The following MMP28 variants were observed in gnomAD, a reference collection of about 807,000 sequenced individuals.
MMP28 encodes matrix metallopeptidase 28, also known as matrix metalloproteinase-28.
A neutral mutation model predicts 60.5 loss-of-function variants in MMP28; 55 were observed. That is an observed-to-expected ratio of 0.91 (90% confidence interval 0.73 to 1.14). The LOEUF (loss-of-function observed/expected upper bound fraction) is 1.14. Ranked by LOEUF, MMP28 falls within the 50% of genes most tolerant of loss-of-function variation. MMP28 has a pLI of 0.00. For missense variants in MMP28, 686 were observed against 738.3 expected (o/e 0.93, Z 0.82); for synonymous variants, 318 against 312.5 (o/e 1.02, Z -0.18).
rs770768624 is a variant in MMP28 at position 35,779,038 on chromosome 17, C to T, written c.229G>A (p.Val77Met). 25 of 1,613,926 alleles carry T rather than the reference C, an allele frequency of 1.5e-5. No individual in the cohort carries two copies. Among genetic ancestry groups the T allele is most frequent in the South Asian group, 7.7e-5 (7 of 91,088 alleles). ...TGGCGCAGGGTGGCGCGGTCCAACA[C>T]GCCGCTGACAGGTAGCTGGGACACC... ...QWVSQLPVSG[V>M]LDRATLRQMT... The change falls in exon 3 of 8, where the codon GTG becomes ATG. Residue 77 changes from valine to methionine, a missense_variant. Coordinates refer to ENST00000605424, the MANE Select transcript of MMP28 (RefSeq NM_024302.5).
downstream of MMP28, chr17:35,764,599 G>C (rs782765582): frequency 6.3e-7 from 1 of 1,586,676 alleles, no homozygotes; most frequent in East Asian, 2.4e-5. Context: ...GGTAAGGCGG[G>C]GGCCGCTGGG....
intron 1 of MMP28, among the ~76,000 whole-genome samples, chr17:35,780,068 T>A (rs895227601): frequency 2.0e-5 from 3 of 152,102 alleles, no homozygotes; most frequent in African/African-American, 4.8e-5. Flanking sequence ...TATTTATTTA[T>A]TTTATTTATT....
chr17:35,778,282 T>G (rs1555608104), intron 3 of MMP28, among the ~76,000 whole-genome samples: 1 of 152,164 alleles, frequency 6.6e-6, no homozygotes, highest in East Asian at 1.9e-4. Flanking sequence ...GGATTAGCGG[T>G]TGCCAGAGGC....
At chr17:35,778,752 C>G (rs1419722259) in intron 3 of MMP28, 136 bp downstream of exon 3, 1 of 1,541,792 alleles carries the variant, frequency 6.5e-7, no homozygotes, top group African/African-American at 1.4e-5. Context: ...CCAAGAGGTC[C>G]TATTCACCCA....
intron 3 of MMP28, among the ~76,000 whole-genome samples, chr17:35,777,678 T>C (rs1555607955): frequency 6.6e-6 from 1 of 152,226 alleles, no homozygotes; most frequent in East Asian, 1.9e-4. Flanking sequence ...AAAACCCCCA[T>C]CTTGTTAGAA....
At chr17:35,761,837 C>T (rs587646892), downstream of MMP28, among the ~76,000 whole-genome samples, 98 of 152,294 alleles carry the variant, frequency 6.4e-4, no homozygotes, top group African/African-American at 2.2e-3. Flanking sequence ...TTTCCTCCTC[C>T]CCTTCCTCTT....
chr17:35,794,370 C>T (rs966496928), intron 1 of MMP28, among the ~76,000 whole-genome samples: 1 of 151,238 alleles, frequency 6.6e-6, no homozygotes, highest in South Asian at 2.1e-4. Flanking sequence ...CTCAGCCTCC[C>T]GAGTAGCTGG....
chr17:35,766,753 C>T lies in MMP28; in HGVS notation c.1310G>A (p.Arg437His), dbSNP rs774249689. Reference sequence around the variant, plus strand: ...TCCCCCTCGGGCCAGCACGTAGTAGCGGGCACCCTTGAAGAGGATGAGGCG... The same window carrying T: ...TCCCCCTCGGGCCAGCACGTAGTAGTGGGCACCCTTGAAGAGGATGAGGCG... ...LRRLILFKGA[R>H]YYVLARGGLQ... The change falls in exon 8 of 8, where the codon CGC (arginine) becomes CAC (histidine). Residue 437 changes from arginine (R) to histidine (H), a missense_variant. Transcript: ENST00000605424. This position sits in a 1 kb window ranked among gnomAD's most constrained non-coding sequence, Gnocchi z 4.3. 3.8e-6 allele frequency: 6 copies of T among 1,584,558 alleles called. No individual in the cohort carries two copies. The highest frequency in any genetic ancestry group is 3.6e-5 in the Admixed American group (2 of 55,118).
intron 3 of MMP28, 56 bp downstream of exon 3, chr17:35,778,832 C>T: frequency 1.2e-6 from 2 of 1,613,790 alleles, no homozygotes; most frequent in South Asian, 2.2e-5. Context: ...TTTTCCTAGC[C>T]ATTGGCTTCA....
chr17:35,764,344 A>G, downstream of MMP28: 2 of 1,460,164 alleles, frequency 1.4e-6, no homozygotes, highest in Non-Finnish European at 1.8e-6. Context: ...GCGCTCCTCG[A>G]CCGGGGCACG....
Position 35,770,161 on chromosome 17 carries a change from G to C in MMP28, c.756C>G (p.Pro252=), listed in dbSNP as rs1555604949. ...IGHTLGLTHS[P]APRALMAPYY... is the part of the protein sequence containing the mutation. The stretch of plus-strand genomic sequence containing the variant: ...AGGGCGCCATGAGCGCGCGCGGCGC[G>C]GGCGAGTGGGTGAGGCCAAGCGTGT... The change falls in exon 5 of 8, where the codon CCC becomes CCG. Residue 252 remains proline, a synonymous_variant. Coordinates refer to ENST00000605424, the MANE Select transcript of MMP28 (RefSeq NM_024302.5). The C allele has an allele frequency of 8.1e-6, 13 of 1,606,984 alleles. No individual in the cohort carries two copies. Among genetic ancestry groups the C allele is most frequent in the Non-Finnish European group, 1.1e-5 (13 of 1,178,144 alleles).
intron 4 of MMP28, among the ~76,000 whole-genome samples, chr17:35,771,757 A>G (rs867109625): frequency 3.2e-4 from 30 of 94,892 alleles, no homozygotes; most frequent in Middle Eastern, 6.3e-3. Flanking sequence ...ATATATATAA[A>G]ATTGTGTTCT....
intron 5 of MMP28, among the ~76,000 whole-genome samples, chr17:35,769,856 G>T (rs1353130413): frequency 6.6e-6 from 1 of 152,044 alleles, no homozygotes; most frequent in East Asian, 1.9e-4. Flanking sequence ...CTGATGGAGA[G>T]ATGAGGGCCA....
At chr17:35,793,174 T>A (rs2086864576) in intron 1 of MMP28, among the ~76,000 whole-genome samples, 1 of 152,086 alleles carries the variant, frequency 6.6e-6, no homozygotes, top group Non-Finnish European at 1.5e-5. Flanking sequence ...GTTCTCAGAG[T>A]TAAAAATCCC....
intron 3 of MMP28, 54 bp downstream of exon 3, chr17:35,778,834 T>C: frequency 1.9e-6 from 3 of 1,613,880 alleles, no homozygotes; most frequent in Middle Eastern, 1.7e-4. Flanking sequence ...TTCCTAGCCA[T>C]TGGCTTCAAG....
At chr17:35,791,881 C>T (rs985991051) in intron 1 of MMP28, among the ~76,000 whole-genome samples, 1 of 152,170 alleles carries the variant, frequency 6.6e-6, no homozygotes, top group African/African-American at 2.4e-5. Context: ...GAACCCCATA[C>T]AGACTTATGG....
intron 1 of MMP28, among the ~76,000 whole-genome samples, 157 bp downstream of exon 1, chr17:35,795,110 C>A (rs530260019): frequency 1.3e-5 from 2 of 152,344 alleles, no homozygotes; most frequent in African/African-American, 4.8e-5. Context: ...GGGGAAAAAA[C>A]TGCCCGGCTC....
At chr17:35,785,722 C>T (rs1361418909) in intron 1 of MMP28, among the ~76,000 whole-genome samples, 1 of 152,192 alleles carries the variant, frequency 6.6e-6, no homozygotes, top group African/African-American at 2.4e-5. Context: ...GCTGGGATTA[C>T]AGGCTTGAGC....
intron 4 of MMP28, among the ~76,000 whole-genome samples, chr17:35,770,522 T>C (rs2086100004): frequency 6.6e-6 from 1 of 152,328 alleles, no homozygotes; most frequent in East Asian, 1.9e-4. Flanking sequence ...GAGTAGGCTG[T>C]GGACGCCTAA....
Sources: allele counts gnomAD v4.1 joint callset (sites outside exome capture counted in the v4.1 genomes callset), GRCh38; gene constraint gnomAD v4.1.1; non-coding constraint Gnocchi (gnomAD v3.1); transcripts MANE v1.5; gene names NCBI Gene and HGNC (gene_info 2026-07-23, HGNC 2026-07-21).